Variants in DLG2 observed in about 807,000 individuals in gnomAD.
DLG2 encodes disks large homolog 2.
A neutral mutation model predicts 132.5 loss-of-function variants in DLG2; 45 were observed. That is an observed-to-expected ratio of 0.34 (90% CI 0.27 to 0.44). The LOEUF is 0.44. Ranked by LOEUF, DLG2 falls within the 20% of genes least tolerant of loss-of-function variation. The pLI, the probability that DLG2 is intolerant of heterozygous loss-of-function variation, is 1.00. For synonymous variants in DLG2, 424 were observed against 419.6 expected (o/e 1.01, Z -0.13); for missense variants, 1,045 against 1,196.9 (o/e 0.87, Z 1.87).
chr11:84,098,346 GCT>G (rs1268728220), intron 10 of DLG2, among the ~76,000 whole-genome samples: 1 of 152,054 alleles, frequency 6.6e-6, no homozygotes, highest in Non-Finnish European at 1.5e-5. Context: ...GCCATCCTGT[GCT>G]CTTCATCCAG....
chr11:85,130,183 T>G (rs761577074), intron 5 of DLG2, among the ~76,000 whole-genome samples: 15 of 152,210 alleles, frequency 9.9e-5, no homozygotes, highest in Non-Finnish European at 2.2e-4. Flanking sequence ...TCTGCACATG[T>G]ATCCCAGAAC....
intron 3 of DLG2, among the ~76,000 whole-genome samples, chr11:85,434,123 A>C (rs1168885800): frequency 6.6e-6 from 1 of 152,174 alleles, no homozygotes; most frequent in East Asian, 1.9e-4. Context: ...GTTTGAAACC[A>C]ATGGAAAAAA....
intron 5 of DLG2, among the ~76,000 whole-genome samples, chr11:85,135,890 G>C (rs371003976): frequency 7.2e-5 from 11 of 152,272 alleles, no homozygotes; most frequent in African/African-American, 2.6e-4. Flanking sequence ...GAAAGCATTT[G>C]GGAGTGTTTT....
chr11:84,547,196 T>C (rs2099391735), intron 6 of DLG2, among the ~76,000 whole-genome samples: 1 of 152,182 alleles, frequency 6.6e-6, no homozygotes, highest in Non-Finnish European at 1.5e-5. Context: ...AAGTTATGAT[T>C]GTTTTACTGG....
chr11:85,453,354 G>T, intron 3 of DLG2: 1 of 228,634 alleles, frequency 4.4e-6, no homozygotes, highest in Non-Finnish European at 9.3e-6. Flanking sequence ...AGTCTTTTGT[G>T]CTCACAAAAT....
intron 18 of DLG2, among the ~76,000 whole-genome samples, chr11:83,696,767 G>C (rs1245330845): frequency 6.6e-6 from 1 of 152,164 alleles, no homozygotes; most frequent in Admixed American, 6.5e-5. Flanking sequence ...TCATAGTAAG[G>C]AAACAGAGAA....
intron 6 of DLG2, among the ~76,000 whole-genome samples, chr11:84,901,982 T>A (rs2090945638): frequency 2.0e-5 from 3 of 152,114 alleles, no homozygotes; most frequent in African/African-American, 7.2e-5. Context: ...ACATATAGGT[T>A]ATAATAAGAA....
intron 15 of DLG2, among the ~76,000 whole-genome samples, chr11:83,924,421 A>G (rs1358889222): frequency 1.3e-5 from 2 of 152,154 alleles, no homozygotes; most frequent in African/African-American, 2.4e-5. Flanking sequence ...GATAGTCTAC[A>G]GAACTGAATT....
Position 85,012,315 on chromosome 11 carries a change from A to G in DLG2, c.357+99346T>C, listed in dbSNP as rs61909111. Among the ~76,000 whole-genome samples, 5 of 54,214 alleles carry G rather than the reference A, an allele frequency of 9.2e-5. 1 individual carries two copies. Among genetic ancestry groups the G allele is most frequent in the Middle Eastern group, 0.017 (2 of 116 alleles). The allele number at this position is 54,214 out of a possible 152,430, so 35.6% of individuals were successfully genotyped here. A position where few individuals can be genotyped will look rare whatever the true frequency, so the allele number is the denominator to read the frequency against. On this transcript the variant is annotated intron_variant, in intron 6 of 27. Coordinates refer to ENST00000376104, the MANE Select transcript of DLG2 (RefSeq NM_001142699.3). ...GCTAAGGCGGGTGGATCACGAGGTC[A>G]GGAGATCGAGACCATCCTGGCTAAC...
At chr11:84,834,199 A>G (rs967141734) in intron 6 of DLG2, among the ~76,000 whole-genome samples, 1 of 151,628 alleles carries the variant, frequency 6.6e-6, no homozygotes, top group Non-Finnish European at 1.5e-5. Flanking sequence ...AAAATAAATC[A>G]TTTCCCTTAG....
intron 3 of DLG2, among the ~76,000 whole-genome samples, chr11:85,301,942 C>T (rs767053580): frequency 1.2e-4 from 19 of 152,188 alleles, no homozygotes; most frequent in Non-Finnish European, 2.8e-4. Flanking sequence ...TGGCTATTCT[C>T]TCTGTGTTAT....
chr11:84,628,939 G>T (rs943044698), intron 6 of DLG2, among the ~76,000 whole-genome samples: 47 of 152,156 alleles, frequency 3.1e-4, no homozygotes, highest in African/African-American at 1.1e-3. Context: ...AAAGAGAACA[G>T]ATGACCAGTA....
chr11:83,665,586 A>G (rs973598858), intron 18 of DLG2, among the ~76,000 whole-genome samples: 1 of 152,226 alleles, frequency 6.6e-6, no homozygotes, highest in Non-Finnish European at 1.5e-5. Context: ...TCAAAGGAAG[A>G]GAGATCGGAG....
intron 5 of DLG2, among the ~76,000 whole-genome samples, chr11:85,115,795 C>T (rs917558473): frequency 5.3e-5 from 8 of 151,924 alleles, no homozygotes; most frequent in African/African-American, 1.7e-4. Flanking sequence ...TGTCAAGAAA[C>T]TCCTCAATTC....
intron 3 of DLG2, among the ~76,000 whole-genome samples, chr11:85,328,635 A>G (rs1166694040): frequency 2.1e-5 from 3 of 140,610 alleles, no homozygotes; most frequent in Non-Finnish European, 1.5e-5. Flanking sequence ...CAAAATAATA[A>G]GAGCTATCTA....
intron 10 of DLG2, among the ~76,000 whole-genome samples, chr11:84,085,581 C>G (rs1248360522): frequency 6.6e-6 from 1 of 152,132 alleles, no homozygotes; most frequent in East Asian, 1.9e-4. Flanking sequence ...GGAAAATTCC[C>G]CAAGATCCTG....
chr11:85,161,990 A>C (rs1404397651), intron 4 of DLG2, among the ~76,000 whole-genome samples: 1 of 152,168 alleles, frequency 6.6e-6, no homozygotes, highest in African/African-American at 2.4e-5. Flanking sequence ...CTGTTCCTGC[A>C]ACATTACGTT....
chr11:83,837,723 CAAAAAAAAAA>C (rs386374350), intron 16 of DLG2, among the ~76,000 whole-genome samples: 2 of 45,948 alleles, frequency 4.4e-5, no homozygotes, highest in Non-Finnish European at 7.1e-5. Context: ...ACATAGCAAG[CAAAAAAAAAA>C]AAAAAAAAAA....
intron 4 of DLG2, among the ~76,000 whole-genome samples, chr11:85,199,791 C>T (rs973402061): frequency 1.3e-5 from 2 of 152,108 alleles, no homozygotes; most frequent in South Asian, 2.1e-4. Context: ...CAGTGAGCCA[C>T]AAATAGATTA....
Sources: gnomAD v4.1 joint callset for allele counts (sites outside exome capture counted in the v4.1 genomes callset) on GRCh38, gnomAD v4.1.1 for gene constraint, MANE v1.5 for transcripts, NCBI Gene and HGNC (gene_info 2026-07-23, HGNC 2026-07-21) for gene names.